KALRN: variants seen among roughly 807,000 people sequenced by gnomAD.
KALRN encodes the protein kalirin RhoGEF kinase, also known as kalirin.
KALRN carries 70 observed loss-of-function variants against 353.7 expected under a neutral mutation model. That is an observed-to-expected ratio of 0.20 (90% CI 0.16 to 0.24). The LOEUF (loss-of-function observed/expected upper bound fraction) is 0.24. Ranked by LOEUF, KALRN falls within the 10% of genes least tolerant of loss-of-function variation. The probability of loss-of-function intolerance (pLI) is 1.00; values close to 1 mark genes in which losing one functional copy is unlikely to be tolerated. For missense variants in KALRN, 2,791 were observed against 3,756.7 expected, an observed-to-expected ratio of 0.74 and a Z score of 6.72; for synonymous variants, 1,391 against 1,434.8, an observed-to-expected ratio of 0.97 and a Z score of 0.69.
intron 26 of KALRN, among the ~76,000 whole-genome samples, chr3:124,475,977 T>G (rs1035106521): frequency 4.1e-5 from 6 of 146,154 alleles, no homozygotes; most frequent in Admixed American, 2.1e-4. Context: ...AAGTAAAGGG[T>G]TTTTTTTTTG....
At chr3:124,066,773 G>C (rs939528743) in intron 1 of KALRN, among the ~76,000 whole-genome samples, 1 of 152,172 alleles carries the variant, frequency 6.6e-6, no homozygotes, top group African/African-American at 2.4e-5. Context: ...TCAGCCGGCT[G>C]GAGAAGGACA....
intron 6 of KALRN, among the ~76,000 whole-genome samples, chr3:124,302,509 T>C (rs1205416931): frequency 3.9e-5 from 6 of 152,200 alleles, no homozygotes; most frequent in African/African-American, 7.2e-5. Flanking sequence ...TTTAAAGAAG[T>C]CCTAGGTGTA....
At chr3:124,181,074 T>TAAAAAA (rs2073507400) in intron 1 of KALRN, among the ~76,000 whole-genome samples, 3 of 24,520 alleles carry the variant, frequency 1.2e-4, no homozygotes, top group Non-Finnish European at 1.7e-4. Context: ...CTACTAAAAA[T>TAAAAAA]ACAAAAAAAA....
chr3:124,658,545 G>A, intron 42 of KALRN, 28 bp downstream of exon 42: 1 of 1,584,584 alleles, frequency 6.3e-7, no homozygotes, highest in South Asian at 1.1e-5. Flanking sequence ...TGCTGAACTG[G>A]GGTGGGAGGA....
chr3:124,468,630 C>T (rs960312996), intron 25 of KALRN, among the ~76,000 whole-genome samples: 1 of 152,146 alleles, frequency 6.6e-6, no homozygotes, highest in South Asian at 2.1e-4. Flanking sequence ...CGAAAGAAAT[C>T]GTTAAAGATA....
At chr3:124,087,955 C>T (rs747744542) in intron 1 of KALRN, among the ~76,000 whole-genome samples, 11 of 152,202 alleles carry the variant, frequency 7.2e-5, no homozygotes, top group Non-Finnish European at 1.2e-4. Context: ...CCTTCTACTA[C>T]TGTTGCTCAG....
chr3:124,421,771 G>C (rs909577389), intron 14 of KALRN, among the ~76,000 whole-genome samples: 3 of 152,166 alleles, frequency 2.0e-5, no homozygotes, highest in African/African-American at 7.2e-5. Flanking sequence ...TTTGATGAAG[G>C]CTACCTTGGG....
At chr3:124,474,789 G>A in intron 26 of KALRN, 57 bp downstream of exon 26, 2 of 1,353,584 alleles carry the variant, frequency 1.5e-6, no homozygotes, top group East Asian at 4.6e-5. Flanking sequence ...ACTCTTCAGT[G>A]CCTGACCTAA....
At chr3:124,594,975 TTTTA>T (rs989962956) in intron 34 of KALRN, among the ~76,000 whole-genome samples, 2 of 151,422 alleles carry the variant, frequency 1.3e-5, no homozygotes, top group Non-Finnish European at 1.5e-5. Context: ...TTTTTAAAAA[TTTTA>T]TTTATTTATT....
rs773566645 is a variant in KALRN at position 124,719,107 on chromosome 3, C to A, written c.8598C>A (p.Ile2866=). 1.9e-6 allele frequency: 3 copies of A among 1,614,222 alleles called. No individual in the cohort carries two copies. The highest frequency in any genetic ancestry group is 2.5e-6 in the Non-Finnish European group (3 of 1,180,046). The change falls in exon 60 of 60, where the codon ATC becomes ATA. Residue 2866 remains isoleucine, a synonymous_variant. Transcript: ENST00000682506. The surrounding 1 kb of genome is among the most constrained non-coding windows in gnomAD (Gnocchi z 5.3). ...CCCTGGGGACAGACATCTGGAGCAT[C>A]GGGGTTCTGACATATGTCATGCTGA... is the stretch of plus-strand genomic sequence containing the variant. The part of the protein sequence containing the change: ...PVSLGTDIWS[I]GVLTYVMLSG...
chr3:124,355,802 G>GC (rs2083337987), intron 10 of KALRN, among the ~76,000 whole-genome samples: 1 of 136,254 alleles, frequency 7.3e-6, no homozygotes. Context: ...TGCAATCTCT[G>GC]CCCCCCAGAT....
At chr3:124,645,978 TTC>T (rs906460692) in intron 37 of KALRN, among the ~76,000 whole-genome samples, 3 of 152,132 alleles carry the variant, frequency 2.0e-5, no homozygotes, top group African/African-American at 7.2e-5. Context: ...TCTCTTATTT[TTC>T]ATTTTTATTT....
rs547014203 is a variant in KALRN, at chr3:124,502,460, G to C, written c.4935+6047G>C. 2.1e-3 allele frequency among the ~76,000 whole-genome samples: 323 copies of C among 152,346 alleles called. 1 individual carries two copies. The highest frequency in any genetic ancestry group is 6.8e-3 in the Middle Eastern group (2 of 294). On this transcript the variant is annotated intron_variant, in intron 33 of 59. Transcript: ENST00000682506. The stretch of plus-strand genomic sequence containing the variant: ...GTGCCCTGGCAAGAAAGGGGATCTG[G>C]GTGGGCTGCCAGTAGTGTCTCCTGC...
chr3:124,270,274 T>C (rs956226305), intron 5 of KALRN, among the ~76,000 whole-genome samples: 1 of 152,226 alleles, frequency 6.6e-6, no homozygotes, highest in African/African-American at 2.4e-5. Flanking sequence ...TCTGATATCA[T>C]GGTTTTCTGT....
intron 10 of KALRN, among the ~76,000 whole-genome samples, chr3:124,374,662 C>T (rs1001837456): frequency 2.6e-5 from 4 of 152,204 alleles, no homozygotes; most frequent in Non-Finnish European, 4.4e-5. Flanking sequence ...ACAAGCCCCA[C>T]AGTTTTCAGC....
At chr3:124,090,672 C>T (rs58591203) in intron 1 of KALRN, among the ~76,000 whole-genome samples, 43,818 of 151,912 alleles carry the variant, frequency 0.29, 7,210 homozygotes, top group East Asian at 0.47. Context: ...AGGTGGGGTA[C>T]GCACTAGAAT....
chr3:124,711,498 G>C (rs538543357), intron 57 of KALRN, among the ~76,000 whole-genome samples: 2 of 152,144 alleles, frequency 1.3e-5, no homozygotes, highest in African/African-American at 4.8e-5. Flanking sequence ...TCCTCTGCTC[G>C]TGGGTTAGGA....
At chr3:124,198,818 C>G (rs1459648520) in intron 1 of KALRN, among the ~76,000 whole-genome samples, 1 of 152,236 alleles carries the variant, frequency 6.6e-6, no homozygotes, top group African/African-American at 2.4e-5. Flanking sequence ...GCTCCTTTGG[C>G]TCCTGCATTG....
chr3:124,196,429 A>G (rs2075434855), intron 1 of KALRN, among the ~76,000 whole-genome samples: 1 of 152,182 alleles, frequency 6.6e-6, no homozygotes, highest in South Asian at 2.1e-4. Flanking sequence ...AGAGAAGGGC[A>G]GGGTGGAGGA....
Sources: allele counts gnomAD v4.1 joint callset (sites outside exome capture counted in the v4.1 genomes callset), GRCh38; gene constraint gnomAD v4.1.1; non-coding constraint Gnocchi (gnomAD v3.1); transcripts MANE v1.5; gene names NCBI Gene and HGNC (gene_info 2026-07-23, HGNC 2026-07-21).